HIP1: variants seen among roughly 807,000 people sequenced by gnomAD.
HIP1 encodes huntingtin interacting protein 1.
HIP1 carries 65 observed loss-of-function variants against 147.6 expected under a neutral mutation model. That is an observed-to-expected ratio of 0.44 (90% CI 0.36 to 0.54). The LOEUF is 0.54. HIP1 is among the 20% of genes least tolerant of loss of function. The pLI is 0.00. For missense variants in HIP1, 1,061 were observed against 1,299.6 expected (o/e 0.82, Z 2.82); for synonymous variants, 479 against 504.0 (o/e 0.95, Z 0.67).
chr7:75,598,724 C>A (rs1226893127), intron 2 of HIP1, among the ~76,000 whole-genome samples: 3 of 151,764 alleles, frequency 2.0e-5, no homozygotes, highest in African/African-American at 7.3e-5. Context: ...TGAGCAATAC[C>A]CCATCTCTAA....
At chr7:75,556,212 T>A in intron 17 of HIP1, 43 bp from the exon 18 acceptor site, 1 of 1,604,414 alleles carries the variant, frequency 6.2e-7, no homozygotes, top group African/African-American at 1.3e-5. Context: ...GCTGGTTGAG[T>A]TAAACAGTCC....
intron 9 of HIP1, among the ~76,000 whole-genome samples, chr7:75,567,102 ACT>A (rs1325474375): frequency 6.6e-6 from 1 of 150,970 alleles, no homozygotes; most frequent in Non-Finnish European, 1.5e-5. Flanking sequence ...ACAGAGCGAG[ACT>A]CTGTCTCAAA....
chr7:75,669,254 T>A (rs1386058195), intron 1 of HIP1, among the ~76,000 whole-genome samples: 1 of 151,714 alleles, frequency 6.6e-6, no homozygotes, highest in African/African-American at 2.4e-5. Flanking sequence ...GCGCCTGTAG[T>A]CCCAGCTACT....
chr7:75,552,253 C>T (rs1794812776), intron 22 of HIP1, among the ~76,000 whole-genome samples: 1 of 152,110 alleles, frequency 6.6e-6, no homozygotes, highest in South Asian at 2.1e-4. Context: ...TGAAAAAAAA[C>T]TGTACTGCAT....
In HIP1 at chr7:75,555,363, A is replaced by T. The variant is rs1439870857; in HGVS notation, c.1963+53T>A. ...CTCACATGAGATTCAACATCAACAG[A>T]GTCTCAGGCTGTAAGGACCTGGCCC... On this transcript the variant is annotated intron_variant, in intron 19 of 30. Coordinates refer to ENST00000336926, the MANE Select transcript of HIP1 (RefSeq NM_005338.7). 2.5e-6 allele frequency: 4 copies of T among 1,603,032 alleles called. No homozygotes were observed. The African/African-American group carries it at 5.4e-5, about 22-fold the overall frequency.
chr7:75,585,841 G>A (rs1554499530), intron 5 of HIP1, among the ~76,000 whole-genome samples: 1 of 151,982 alleles, frequency 6.6e-6, no homozygotes, highest in African/African-American at 2.4e-5. Context: ...GTGAAACAGG[G>A]CCTCACTCTG....
chr7:75,701,380 C>A (rs868986407), intron 1 of HIP1, among the ~76,000 whole-genome samples: 3 of 151,828 alleles, frequency 2.0e-5, no homozygotes, highest in Non-Finnish European at 4.4e-5. Context: ...GGCAACAGAG[C>A]AAGACTCTGT....
chr7:75,556,754 G>C lies in HIP1; in HGVS notation c.1639C>G (p.Arg547Gly), dbSNP rs782630208. The C allele has an allele frequency of 1.2e-6, 2 of 1,613,424 alleles. No individual in the cohort carries two copies. Among genetic ancestry groups the C allele is most frequent in the South Asian group, 1.1e-5 (1 of 91,074 alleles). Residue 547 changes from arginine (R) to glycine (G), a missense_variant, in exon 17 of 31, where the codon CGG becomes GGG. Arg to Gly is a moderately radical substitution (Grantham distance 125). This residue lies in a region of HIP1 where 810 missense variants were observed against 946.8 expected (regional missense o/e 0.86). Coordinates refer to ENST00000336926, the MANE Select transcript of HIP1 (RefSeq NM_005338.7). Reference protein sequence around the residue: ...SLKQELATSQRELQVLQGSLE... With the variant: ...SLKQELATSQGELQVLQGSLE... ...CTGCCTTGCAGAACCTGAAGCTCCCGTTGGCTTGTGGCAAGTTCCTGCTTC... is the reference window on the plus strand; with the variant it reads ...CTGCCTTGCAGAACCTGAAGCTCCCCTTGGCTTGTGGCAAGTTCCTGCTTC...
chr7:75,554,376 C>T, intron 20 of HIP1, 64 bp downstream of exon 20: 1 of 1,424,126 alleles, frequency 7.0e-7, no homozygotes, highest in South Asian at 1.2e-5. Flanking sequence ...TCCCCGCATT[C>T]AGGTGCTTCT....
At chr7:75,669,997 C>T (rs551398826) in intron 1 of HIP1, among the ~76,000 whole-genome samples, 4 of 152,154 alleles carry the variant, frequency 2.6e-5, no homozygotes, top group South Asian at 2.1e-4. Flanking sequence ...GACGGGGTTT[C>T]GTCATGTTGG....
At chr7:75,659,370 T>C (rs1447036977) in intron 1 of HIP1, among the ~76,000 whole-genome samples, 1 of 152,144 alleles carries the variant, frequency 6.6e-6, no homozygotes, top group Non-Finnish European at 1.5e-5. Context: ...ATTAGAAACA[T>C]AAGCAGGGCC....
At chr7:75,647,703 G>A (rs527824610) in intron 1 of HIP1, among the ~76,000 whole-genome samples, 1 of 152,364 alleles carries the variant, frequency 6.6e-6, no homozygotes, top group African/African-American at 2.4e-5. Flanking sequence ...AGGCCCTGCT[G>A]GCCCTGGCAG....
At chr7:75,595,224 CTTTCTTTCTTTCTTT>C (rs1796658644) in intron 2 of HIP1, among the ~76,000 whole-genome samples, 1 of 100,072 alleles carries the variant, frequency 1.0e-5, no homozygotes, top group African/African-American at 4.9e-5. Context: ...TTCTTTCTTT[CTTTCTTTCTTTCTTT>C]CTTTCTTTCT....
chr7:75,651,460 C>CA (rs1168846001), intron 1 of HIP1, among the ~76,000 whole-genome samples: 1,809 of 44,020 alleles, frequency 0.041, 219 homozygotes, highest in East Asian at 0.081. Context: ...CTCCATATCT[C>CA]AAAAAAAAAA....
In HIP1 at chr7:75,737,520, A is replaced by G. The variant is rs540734492; in HGVS notation, c.120+1281T>C. Among the ~76,000 whole-genome samples the G allele has an allele frequency of 5.3e-5, 8 of 151,666 alleles. 1 individual carries two copies. The highest frequency in any genetic ancestry group is 1.9e-4 in the African/African-American group (8 of 41,336). Reference sequence around the variant, plus strand: ...CAACCACGCCCAGCTAATTTTTTGTATTTTTAGTAGAGACAGGGTTTCACC... The same window carrying G: ...CAACCACGCCCAGCTAATTTTTTGTGTTTTTAGTAGAGACAGGGTTTCACC... On this transcript the variant is annotated intron_variant, in intron 1 of 30. Transcript: ENST00000336926.
chr7:75,549,372 CTT>C lies in HIP1; in HGVS notation c.2296-373_2296-372del, dbSNP rs60654435. ...TCTTTTGCTTTCTTTCTTTTCTTTT[CTT>C]TTTTTTTTTTTTTTGAGACAGAGTC... is the stretch of plus-strand genomic sequence containing the variant. On this transcript the variant is annotated intron_variant, in intron 22 of 30. Transcript: ENST00000336926. Among the ~76,000 whole-genome samples the C allele has an allele frequency of 7.6e-3, 923 of 121,154 alleles. 10 individuals are homozygous for C. Among genetic ancestry groups the C allele is most frequent in the African/African-American group, 0.025 (828 of 32,584 alleles). 79.5% of individuals were successfully genotyped at this position (121,154 alleles called of 152,430 possible).
intron 1 of HIP1, among the ~76,000 whole-genome samples, chr7:75,616,789 G>A (rs1400189958): frequency 6.6e-6 from 1 of 152,192 alleles, no homozygotes; most frequent in Non-Finnish European, 1.5e-5. Context: ...ATCACTTTGG[G>A]GTAAGGCATG....
At chr7:75,597,069 G>A (rs1199683765) in intron 2 of HIP1, among the ~76,000 whole-genome samples, 1 of 152,178 alleles carries the variant, frequency 6.6e-6, no homozygotes, top group Non-Finnish European at 1.5e-5. Context: ...ATCATCGCAA[G>A]GGTACCAAAC....
At chr7:75,638,965 G>A (rs1170767889) in intron 1 of HIP1, 3 of 475,194 alleles carry the variant, frequency 6.3e-6, no homozygotes, top group African/African-American at 6.3e-5. Context: ...TCAATGGATC[G>A]CGCCGGCTAG....
Sources: allele counts gnomAD v4.1 joint callset (sites outside exome capture counted in the v4.1 genomes callset), GRCh38; gene constraint gnomAD v4.1.1; regional missense constraint gnomAD v4.1.1; transcripts MANE v1.5; gene names NCBI Gene and HGNC (gene_info 2026-07-23, HGNC 2026-07-21).